The following PCDH11X variants were observed in gnomAD, a reference collection of about 807,000 sequenced individuals.
PCDH11X encodes protocadherin 11 X-linked, also known as protocadherin-11 X-linked.
In PCDH11X, 18 loss-of-function variants were observed where a neutral mutation model predicts 53.3. That is an observed-to-expected ratio of 0.34 (90% CI 0.23 to 0.50). The LOEUF (loss-of-function observed/expected upper bound fraction) is 0.50, where lower values mean the gene tolerates loss of function less well. Ranked by LOEUF, PCDH11X falls within the 20% of genes least tolerant of loss-of-function variation. The pLI is 0.98. For synonymous variants in PCDH11X, 279 were observed against 393.3 expected (o/e 0.71, Z 3.44); for missense variants, 570 against 1,032.4 (o/e 0.55, Z 6.14).
At chrX:92,617,151 G>A (rs1463967604) in intron 10 of PCDH11X, among the ~76,000 whole-genome samples, 3 of 111,539 alleles carry the variant, frequency 2.7e-5, no homozygotes, top group East Asian at 5.6e-4. Flanking sequence ...TTTGAATATC[G>A]TGTCAGCTGT....
intron 8 of PCDH11X, among the ~76,000 whole-genome samples, chrX:92,293,249 T>C (rs979418523): frequency 1.8e-5 from 2 of 111,310 alleles, no homozygotes; most frequent in Non-Finnish European, 3.8e-5. Flanking sequence ...TATTCCAGTG[T>C]GACTAAAAGT....
chrX:92,282,996 G>A (rs1172003845), intron 8 of PCDH11X, among the ~76,000 whole-genome samples: 1 of 110,604 alleles, frequency 9.0e-6, no homozygotes, highest in Non-Finnish European at 1.9e-5. Flanking sequence ...CGAATTTATT[G>A]AGCTCATGTC....
intron 8 of PCDH11X, among the ~76,000 whole-genome samples, chrX:92,279,759 C>T (rs1057185955): frequency 6.3e-5 from 7 of 111,827 alleles, no homozygotes; most frequent in African/African-American, 2.3e-4. Flanking sequence ...GGTTTTTGCC[C>T]AGCATATTTT....
intron 8 of PCDH11X, among the ~76,000 whole-genome samples, chrX:92,346,689 G>A (rs1386058675): frequency 2.7e-5 from 3 of 111,922 alleles, no homozygotes; most frequent in African/African-American, 9.7e-5. Flanking sequence ...AAATTTATTA[G>A]ATTCTTTTAC....
chrX:92,469,853 G>GTT (rs149166414), intron 10 of PCDH11X, among the ~76,000 whole-genome samples: 5 of 107,473 alleles, frequency 4.7e-5, no homozygotes, highest in Non-Finnish European at 5.8e-5. Flanking sequence ...CTCCAGTGTA[G>GTT]TTTTTTTTTG....
chrX:92,495,171 T>G (rs1214862473), intron 10 of PCDH11X, among the ~76,000 whole-genome samples: 1 of 111,001 alleles, frequency 9.0e-6, no homozygotes, highest in African/African-American at 3.3e-5. Flanking sequence ...TTTCATCAAC[T>G]CAAGCGAATT....
At chrX:92,003,980 T>C (rs943144820) in intron 6 of PCDH11X, among the ~76,000 whole-genome samples, 5 of 108,967 alleles carry the variant, frequency 4.6e-5, no homozygotes, top group African/African-American at 1.3e-4. Flanking sequence ...TATTACATTA[T>C]TCATCTGAAG....
intron 1 of PCDH11X, among the ~76,000 whole-genome samples, chrX:91,805,427 G>A (rs1450502352): frequency 9.0e-6 from 1 of 111,384 alleles, no homozygotes; most frequent in Admixed American, 9.6e-5. Context: ...TATCAAAAAG[G>A]AATTTCTAAT....
At chrX:92,105,180 G>T (rs901464004) in intron 6 of PCDH11X, among the ~76,000 whole-genome samples, 2 of 111,600 alleles carry the variant, frequency 1.8e-5, no homozygotes, top group African/African-American at 6.5e-5. Flanking sequence ...AAAATGAAAG[G>T]AATTGAAATT....
At chrX:92,098,048 G>A (rs1464764398) in intron 6 of PCDH11X, among the ~76,000 whole-genome samples, 10 of 110,480 alleles carry the variant, frequency 9.1e-5, no homozygotes, top group African/African-American at 3.3e-4. Flanking sequence ...GTGGATACAA[G>A]GTGCCGACTG....
intron 8 of PCDH11X, among the ~76,000 whole-genome samples, chrX:92,291,864 T>A: frequency 2.5e-5 from 1 of 40,204 alleles, no homozygotes. Flanking sequence ...AAAGACTCTG[T>A]CTCAAAAACA....
rs977102822 is a variant in PCDH11X, at chrX:92,424,437, TC to T, written c.3343+36505del. Among the ~76,000 whole-genome samples the T allele has an allele frequency of 6.2e-5, 6 of 96,807 alleles. 2 individuals are homozygous for T. Among genetic ancestry groups the T allele is most frequent in the African/African-American group, 2.0e-4 (6 of 29,884 alleles). 84.1% of individuals were successfully genotyped at this position (96,807 alleles called of 115,157 possible). On this transcript the variant is annotated intron_variant, in intron 9 of 10. Transcript: ENST00000682573. ...TTCAGGTTTTAGGTTATATCATAGT[TC>T]AGGTTTCAAAACCCCTTACTATCCT...
At position 92,204,292 on chromosome X, in the gene PCDH11X, C is replaced by G. The variant is rs769400120; in HGVS notation, c.3114+2837C>G. 2.1e-3 allele frequency among the ~76,000 whole-genome samples: 231 copies of G among 112,020 alleles called. 1 individual carries two copies. Among genetic ancestry groups the G allele is most frequent in the African/African-American group, 7.2e-3 (221 of 30,856 alleles). On this transcript the variant is annotated intron_variant, in intron 7 of 10. Coordinates refer to ENST00000682573, the MANE Select transcript of PCDH11X (RefSeq NM_032968.5). ...AATGAATTTTTCTTTTCTATCATAT[C>G]GTCAGGCTTAAATTTTCCAAAATTT...
At position 92,236,304 on chromosome X, in the gene PCDH11X, AT is replaced by A. The variant is rs201497320; in HGVS notation, c.3115-26803del. 7.8e-3 allele frequency among the ~76,000 whole-genome samples: 868 copies of A among 111,433 alleles called. 28 individuals carry two copies. The highest frequency in any genetic ancestry group is 0.068 in the Admixed American group (707 of 10,367). Reference sequence around the variant, plus strand: ...TAGATACTCAGAGATAGGGAAGCAGATTTTTTTAATGAAAAATAATTTTGAA... The same window carrying A: ...TAGATACTCAGAGATAGGGAAGCAGATTTTTTAATGAAAAATAATTTTGAA... On this transcript the variant is annotated intron_variant, in intron 7 of 10. Transcript: ENST00000682573.
chrX:92,352,579 A>G (rs995256622), intron 8 of PCDH11X, among the ~76,000 whole-genome samples: 3 of 110,557 alleles, frequency 2.7e-5, no homozygotes, highest in Admixed American at 9.7e-5. Context: ...TCATATGACT[A>G]GAATTGCTTT....
intron 10 of PCDH11X, among the ~76,000 whole-genome samples, chrX:92,519,791 A>C (rs773042531): frequency 9.6e-6 from 1 of 103,841 alleles, no homozygotes; most frequent in African/African-American, 3.5e-5. Context: ...GCTCTTTTTA[A>C]GTACATTTTA....
intron 8 of PCDH11X, among the ~76,000 whole-genome samples, chrX:92,301,087 T>C (rs4021175): frequency 0.024 from 2,610 of 110,459 alleles, 66 homozygotes; most frequent in African/African-American, 0.082. Context: ...CAAAGAGACA[T>C]AAGGGAGGCT....
intron 6 of PCDH11X, among the ~76,000 whole-genome samples, chrX:92,130,823 AT>A (rs1210210960): frequency 1.8e-5 from 2 of 110,800 alleles, no homozygotes; most frequent in African/African-American, 6.6e-5. Flanking sequence ...AATGGAACCC[AT>A]TTTATATGAT....
chrX:92,601,882 G>A (rs951242757), intron 10 of PCDH11X, among the ~76,000 whole-genome samples: 5 of 111,200 alleles, frequency 4.5e-5, no homozygotes, highest in Non-Finnish European at 9.4e-5. Context: ...TTCCACTGAG[G>A]CACAGGCTTC....
Sources: allele counts gnomAD v4.1 joint callset (sites outside exome capture counted in the v4.1 genomes callset), GRCh38; gene constraint gnomAD v4.1.1; transcripts MANE v1.5; gene names NCBI Gene and HGNC (gene_info 2026-07-23, HGNC 2026-07-21).